ADGRL2: variants seen among roughly 807,000 people sequenced by gnomAD.
ADGRL2 encodes the protein adhesion G protein-coupled receptor L2, also known as calcium-independent alpha-latrotoxin receptor 2.
ADGRL2 carries 44 observed loss-of-function variants against 157.4 expected under a neutral mutation model. The observed-to-expected ratio is 0.28, with a 90% CI of 0.22 to 0.36. The LOEUF (loss-of-function observed/expected upper bound fraction) is 0.36, where lower values mean the gene tolerates loss of function less well. ADGRL2 is among the 10% of genes least tolerant of loss of function. The pLI is 1.00. For synonymous variants in ADGRL2, 585 were observed against 624.7 expected (o/e 0.94, Z 0.95); for missense variants, 1,510 against 1,768.9 (o/e 0.85, Z 2.63).
At chr1:81,516,604 T>A (rs1219199071) in intron 2 of ADGRL2, among the ~76,000 whole-genome samples, 1 of 152,226 alleles carries the variant, frequency 6.6e-6, no homozygotes, top group Non-Finnish European at 1.5e-5. Flanking sequence ...TTTTCAATAA[T>A]CATGAAAATT....
chr1:81,969,032 TG>T, intron 14 of ADGRL2, 145 bp from the exon 15 acceptor site: 1 of 616,430 alleles, frequency 1.6e-6, no homozygotes, highest in Non-Finnish European at 2.9e-6. Flanking sequence ...AATTTATTTT[TG>T]GTATTGAGCC....
At chr1:81,781,576 T>C (rs549820756) in intron 2 of ADGRL2, among the ~76,000 whole-genome samples, 40 of 152,338 alleles carry the variant, frequency 2.6e-4, no homozygotes, top group African/African-American at 9.1e-4. Context: ...CAGAATTTCC[T>C]TGTTATCACA....
intron 2 of ADGRL2, among the ~76,000 whole-genome samples, chr1:81,456,071 A>C (rs2077798507): frequency 6.6e-6 from 1 of 152,326 alleles, no homozygotes; most frequent in Non-Finnish European, 1.5e-5. Flanking sequence ...GGGTCTTAGT[A>C]ATTAATTTTA....
At chr1:81,768,761 T>C (rs1273005985) in intron 2 of ADGRL2, among the ~76,000 whole-genome samples, 2 of 152,112 alleles carry the variant, frequency 1.3e-5, no homozygotes, top group African/African-American at 4.8e-5. Flanking sequence ...GTGTGAGCCA[T>C]AGCACCCAGC....
chr1:81,502,828 G>A (rs536885521), intron 2 of ADGRL2: 43 of 1,612,490 alleles, frequency 2.7e-5, no homozygotes, highest in Non-Finnish European at 3.1e-5. Context: ...TGCTGCTGCC[G>A]CTGCCGAGGC....
intron 18 of ADGRL2, chr1:81,980,651 G>T: frequency 2.2e-6 from 1 of 445,610 alleles, no homozygotes; most frequent in Non-Finnish European, 4.1e-6. Flanking sequence ...CAGATCTATA[G>T]TAAGGGTAAA....
chr1:81,835,213 G>A (rs1022895298), intron 1 of ADGRL2, among the ~76,000 whole-genome samples: 5 of 152,062 alleles, frequency 3.3e-5, no homozygotes, highest in Non-Finnish European at 7.4e-5. Context: ...ATGAAAACTT[G>A]GACAGTAAAA....
chr1:81,323,326 A>AT (rs1660662002), intron 1 of ADGRL2, among the ~76,000 whole-genome samples: 1 of 151,762 alleles, frequency 6.6e-6, no homozygotes, highest in African/African-American at 2.4e-5. Flanking sequence ...ATCAGCCAAA[A>AT]TCTCCTGGGC....
chr1:81,637,684 G>A lies in ADGRL2; in HGVS notation c.-143+56704G>A, dbSNP rs115455205. Among the ~76,000 whole-genome samples, 419 of 152,148 alleles carry A rather than the reference G, an allele frequency of 2.8e-3. 4 individuals are homozygous for A. Among genetic ancestry groups the A allele is most frequent in the African/African-American group, 9.5e-3 (395 of 41,506 alleles). ...GAAATAATTATTTTTAGACAATTGC[G>A]TGGAATTTTGAAGAAACAGACATTT... On this transcript the variant is annotated intron_variant, in intron 3 of 24. Coordinates refer to the ADGRL2 transcript ENST00000370721.
At chr1:81,642,217 C>T (rs1375620582) in intron 3 of ADGRL2, among the ~76,000 whole-genome samples, 2 of 141,682 alleles carry the variant, frequency 1.4e-5, no homozygotes, top group African/African-American at 2.6e-5. Flanking sequence ...CACTGCACTC[C>T]AGCCTGGGCG....
At chr1:81,848,663 A>C (rs2092890569) in intron 2 of ADGRL2, among the ~76,000 whole-genome samples, 2 of 151,908 alleles carry the variant, frequency 1.3e-5, no homozygotes, top group Non-Finnish European at 2.9e-5. Flanking sequence ...TTTGTTTTTT[A>C]GTGAAAATTA....
intron 1 of ADGRL2, among the ~76,000 whole-genome samples, chr1:81,352,902 A>G (rs1282024284): frequency 6.6e-6 from 1 of 152,192 alleles, no homozygotes; most frequent in Non-Finnish European, 1.5e-5. Flanking sequence ...AGGTCAGGTC[A>G]AGCAGGGATT....
At chr1:81,919,625 A>T (rs12074133) in intron 3 of ADGRL2, among the ~76,000 whole-genome samples, 52,442 of 151,610 alleles carry the variant, frequency 0.35, 9,361 homozygotes, top group Middle Eastern at 0.42. Context: ...CTGATTTTTT[A>T]ATGATATTTT....
intron 2 of ADGRL2, among the ~76,000 whole-genome samples, chr1:81,471,579 G>A (rs1321798030): frequency 1.3e-5 from 2 of 152,098 alleles, no homozygotes; most frequent in African/African-American, 2.4e-5. Flanking sequence ...AATATTTATG[G>A]AATTTACTCC....
intron 2 of ADGRL2, among the ~76,000 whole-genome samples, chr1:81,552,363 A>C (rs1351744869): frequency 1.3e-5 from 2 of 152,134 alleles, no homozygotes; most frequent in Non-Finnish European, 2.9e-5. Context: ...ATTGGTCCCG[A>C]GCACAGTTAG....
chr1:81,651,913 A>G (rs999882734), intron 3 of ADGRL2, among the ~76,000 whole-genome samples: 24 of 152,146 alleles, frequency 1.6e-4, no homozygotes, highest in Admixed American at 9.8e-4. Flanking sequence ...TTGTAGAGAC[A>G]GGGGTCTCAC....
At chr1:81,539,614 G>A (rs2079833186) in intron 2 of ADGRL2, among the ~76,000 whole-genome samples, 1 of 152,054 alleles carries the variant, frequency 6.6e-6, no homozygotes, top group South Asian at 2.1e-4. Context: ...ACCCAAAACT[G>A]AACAGACATT....
chr1:81,358,212 C>T (rs1663456790), intron 1 of ADGRL2, among the ~76,000 whole-genome samples: 3 of 152,138 alleles, frequency 2.0e-5, no homozygotes, highest in African/African-American at 4.8e-5. Flanking sequence ...AACTGTGTGA[C>T]AGAGGGTGAA....
intron 19 of ADGRL2, among the ~76,000 whole-genome samples, chr1:81,984,106 C>G (rs922766424): frequency 3.9e-5 from 6 of 152,074 alleles, no homozygotes; most frequent in Non-Finnish European, 8.8e-5. Flanking sequence ...CAGAACTATG[C>G]AATCCAGCAA....
Sources: allele counts gnomAD v4.1 joint callset (sites outside exome capture counted in the v4.1 genomes callset), GRCh38; gene constraint gnomAD v4.1.1; transcripts MANE v1.5; gene names NCBI Gene and HGNC (gene_info 2026-07-23, HGNC 2026-07-21).